DNAJB6: variants seen among roughly 807,000 people sequenced by gnomAD.
The protein encoded by DNAJB6 is DnaJ heat shock protein family (Hsp40) member B6.
In DNAJB6, 16 loss-of-function variants were observed where a neutral mutation model predicts 42.7. The observed-to-expected ratio is 0.37, with a 90% CI of 0.25 to 0.57. The LOEUF is 0.57. DNAJB6 is among the 20% of genes least tolerant of loss of function. The pLI is 0.74. For synonymous variants in DNAJB6, 170 were observed against 163.5 expected (o/e 1.04, Z -0.30); for missense variants, 347 against 416.8 (o/e 0.83, Z 1.46).
At position 157,390,384 on chromosome 7, in the gene DNAJB6, T is replaced by C. The variant is rs536649883; in HGVS notation, c.691+4773T>C. On this transcript the variant is annotated intron_variant, in intron 8 of 9. Transcript: ENST00000262177. The stretch of plus-strand genomic sequence containing the variant: ...CAGTTGTTAACATCGCGTCCTTTTC[T>C]GCCCTGTTAGGTTGGTTTCTCTCTT... Among the ~76,000 whole-genome samples the C allele has an allele frequency of 3.3e-5, 5 of 152,356 alleles. No individual in the cohort carries two copies. The South Asian group carries it at 1.0e-3, about 32-fold the overall frequency.
At chr7:157,399,213 G>A (rs1015692584) in intron 8 of DNAJB6, among the ~76,000 whole-genome samples, 1 of 152,190 alleles carries the variant, frequency 6.6e-6, no homozygotes, top group African/African-American at 2.4e-5. Flanking sequence ...TGACTGGAAG[G>A]TTCTCAGCAG....
intron 8 of DNAJB6, among the ~76,000 whole-genome samples, chr7:157,386,929 C>T (rs1458938880): frequency 6.6e-6 from 1 of 151,506 alleles, no homozygotes; most frequent in South Asian, 2.1e-4. Flanking sequence ...TCTTTTGTTT[C>T]TCAGTTTGTA....
chr7:157,404,611 A>C (rs2117188575), intron 8 of DNAJB6, among the ~76,000 whole-genome samples: 1 of 151,302 alleles, frequency 6.6e-6, no homozygotes, highest in East Asian at 1.9e-4. Flanking sequence ...CCCAGGCTCA[A>C]GCGATTCTTA....
chr7:157,368,275 T>C (rs1006204881), intron 5 of DNAJB6, among the ~76,000 whole-genome samples: 1 of 152,182 alleles, frequency 6.6e-6, no homozygotes, highest in African/African-American at 2.4e-5. Flanking sequence ...GAAGAGACAG[T>C]GGTAAGGGCA....
chr7:157,403,182 GCCTTTCACT>G (rs1563149684), intron 8 of DNAJB6, among the ~76,000 whole-genome samples: 102 of 152,314 alleles, frequency 6.7e-4, no homozygotes, highest in African/African-American at 2.3e-3. Context: ...TCTCTGATCA[GCCTTTCACT>G]GAATACACAA....
chr7:157,405,016 G>GA (rs774079378), intron 8 of DNAJB6, among the ~76,000 whole-genome samples: 14 of 152,228 alleles, frequency 9.2e-5, no homozygotes, highest in Non-Finnish European at 1.9e-4. Context: ...TTCCCCGCAT[G>GA]AAAGGACTGA....
At chr7:157,414,939 C>G (rs1397342122) in intron 9 of DNAJB6, 2 of 152,322 alleles carry the variant, frequency 1.3e-5, no homozygotes, top group Non-Finnish European at 2.9e-5. Context: ...CTGATTGGAG[C>G]CTGGCACCCG....
intron 5 of DNAJB6, among the ~76,000 whole-genome samples, chr7:157,373,518 T>C (rs977727718): frequency 6.6e-6 from 1 of 152,136 alleles, no homozygotes; most frequent in African/African-American, 2.4e-5. Context: ...ACCTGGCTAA[T>C]GTTTGTGTTT....
At chr7:157,360,969 G>A (rs1402212887) in intron 2 of DNAJB6, among the ~76,000 whole-genome samples, 2 of 152,080 alleles carry the variant, frequency 1.3e-5, no homozygotes, top group African/African-American at 4.8e-5. Context: ...AAATATTTTA[G>A]TAGTGTATGA....
Position 157,416,464 on chromosome 7 carries a change from G to A in DNAJB6, c.*366G>A. 1 of 212,308 alleles carries A rather than the reference G, an allele frequency of 4.7e-6. No homozygotes were observed. Among genetic ancestry groups the A allele is most frequent in the Non-Finnish European group, 9.5e-6 (1 of 104,868 alleles). 13.2% of individuals were successfully genotyped at this position (212,308 alleles called of 1,614,324 possible). On this transcript the variant is annotated 3_prime_UTR_variant, in exon 10 of 10. Transcript: ENST00000262177. ...CAGGAGGGCGCAGATGGCTAACTGA[G>A]TAACATTCATGAAATGAGGCTTTCT...
At chr7:157,376,381 A>G (rs1800474113) in intron 5 of DNAJB6, among the ~76,000 whole-genome samples, 1 of 152,182 alleles carries the variant, frequency 6.6e-6, no homozygotes, top group African/African-American at 2.4e-5. Context: ...AGGGAATAGC[A>G]TGATATTGCA....
chr7:157,339,644 T>TGTGA (rs1209211566), intron 1 of DNAJB6, among the ~76,000 whole-genome samples: 21 of 36,554 alleles, frequency 5.7e-4, no homozygotes, highest in South Asian at 3.2e-3. Context: ...TGTGTGTGTG[T>TGTGA]GTGAGATGGA....
chr7:157,382,061 A>G (rs1800808617), intron 5 of DNAJB6, 185 bp from the exon 6 acceptor site: 3 of 525,404 alleles, frequency 5.7e-6, no homozygotes. Flanking sequence ...GAATTAAACT[A>G]GTTAGTAAAA....
At chr7:157,403,386 C>G (rs1437407383) in intron 8 of DNAJB6, among the ~76,000 whole-genome samples, 1 of 152,160 alleles carries the variant, frequency 6.6e-6, no homozygotes, top group Non-Finnish European at 1.5e-5. Flanking sequence ...GGGTGAAAAC[C>G]CAACAACTGC....
chr7:157,350,956 C>T (rs111632816), intron 1 of DNAJB6, among the ~76,000 whole-genome samples: 1 of 146,080 alleles, frequency 6.8e-6, no homozygotes, highest in African/African-American at 2.5e-5. Context: ...TTTTTTGAGA[C>T]AGAGTTTCGC....
intron 5 of DNAJB6, among the ~76,000 whole-genome samples, chr7:157,377,662 A>G (rs1041102878): frequency 2.0e-5 from 3 of 152,150 alleles, no homozygotes; most frequent in African/African-American, 4.8e-5. Flanking sequence ...AGGCCCATCC[A>G]CATTAGGGAG....
chr7:157,346,316 T>TA (rs60806134), intron 1 of DNAJB6, among the ~76,000 whole-genome samples: 31,384 of 117,548 alleles, frequency 0.27, 5,150 homozygotes, highest in African/African-American at 0.46. Context: ...CAAGGAGTAG[T>TA]AAAAAAAAAA....
At chr7:157,401,802 T>C (rs1033184933) in intron 8 of DNAJB6, among the ~76,000 whole-genome samples, 1 of 152,210 alleles carries the variant, frequency 6.6e-6, no homozygotes, top group Non-Finnish European at 1.5e-5. Flanking sequence ...GAGTGTGCCC[T>C]GACCTCTGCA....
chr7:157,346,591 C>G (rs1202232935), intron 1 of DNAJB6, among the ~76,000 whole-genome samples: 1 of 151,902 alleles, frequency 6.6e-6, no homozygotes, highest in African/African-American at 2.4e-5. Flanking sequence ...GATAGTGTTA[C>G]CAAAAATACT....
Sources: gnomAD v4.1 joint callset for allele counts (sites outside exome capture counted in the v4.1 genomes callset) on GRCh38, gnomAD v4.1.1 for gene constraint, MANE v1.5 for transcripts, NCBI Gene and HGNC (gene_info 2026-07-23, HGNC 2026-07-21) for gene names.